Variants in WDR47 observed in about 807,000 individuals in gnomAD.
WDR47 encodes WD repeat domain 47.
Under a neutral mutation model 97.2 loss-of-function variants are expected in WDR47, and 32 were observed. The observed-to-expected ratio is 0.33, with a 90% CI of 0.25 to 0.44. The LOEUF is 0.44. WDR47 is among the 20% of genes least tolerant of loss of function. The pLI, the probability that WDR47 is intolerant of heterozygous loss-of-function variation, is 1.00. For synonymous variants in WDR47, 375 were observed against 373.5 expected (o/e 1.00, Z -0.05); for missense variants, 782 against 1,102.3 (o/e 0.71, Z 4.11).
At chr1:109,009,679 T>C (rs1403381209) in intron 5 of WDR47, among the ~76,000 whole-genome samples, 2 of 152,174 alleles carry the variant, frequency 1.3e-5, no homozygotes, top group African/African-American at 4.8e-5. Flanking sequence ...TGAAAATCTA[T>C]GTAATATATT....
chr1:109,025,598 G>A (rs1183659991), intron 1 of WDR47, among the ~76,000 whole-genome samples: 3 of 151,780 alleles, frequency 2.0e-5, no homozygotes, highest in Non-Finnish European at 4.4e-5. Flanking sequence ...GCGGAGCGTG[G>A]TGGCACGCAC....
rs1663416954 is a variant in WDR47 at position 109,042,093 on chromosome 1, T to C, written c.-241A>G. The C allele has an allele frequency of 1.3e-5, 2 of 152,390 alleles. No homozygotes were observed. The highest frequency in any genetic ancestry group is 4.1e-4 in the South Asian group (2 of 4,830). 9.4% of individuals were successfully genotyped at this position (152,390 alleles called of 1,614,324 possible). ...CCAGCGACTCCTCAGCTCAGCCTCTTGCAGACTGCGGTTGTCAAGTGCCGG... is the reference window on the plus strand; with the variant it reads ...CCAGCGACTCCTCAGCTCAGCCTCTCGCAGACTGCGGTTGTCAAGTGCCGG... On this transcript the variant is annotated 5_prime_UTR_variant, in exon 1 of 15. Coordinates refer to ENST00000369962, the MANE Select transcript of WDR47 (RefSeq NM_001142551.2).
At chr1:109,024,444 C>G (rs1662063449) in intron 1 of WDR47, among the ~76,000 whole-genome samples, 2 of 151,744 alleles carry the variant, frequency 1.3e-5, no homozygotes, top group Admixed American at 1.3e-4. Context: ...CAGAATTAGA[C>G]TCCGTCTCAA....
At chr1:109,036,336 G>A (rs1419337663) in intron 1 of WDR47, among the ~76,000 whole-genome samples, 1 of 151,962 alleles carries the variant, frequency 6.6e-6, no homozygotes, top group African/African-American at 2.4e-5. Flanking sequence ...CACTATAGGA[G>A]CCTGAGGCAG....
chr1:108,980,682 T>C (rs1326666939), intron 13 of WDR47, among the ~76,000 whole-genome samples: 1 of 151,926 alleles, frequency 6.6e-6, no homozygotes, highest in African/African-American at 2.4e-5. Flanking sequence ...TGAGCCAAGA[T>C]TGTGCCACTG....
chr1:108,991,156 C>T (rs1412906100), intron 9 of WDR47, 98 bp downstream of exon 9: 30 of 1,164,560 alleles, frequency 2.6e-5, no homozygotes, highest in Admixed American at 2.1e-4. Flanking sequence ...TACACCACCA[C>T]GTCTGACTAA....
chr1:109,013,826 G>A lies in WDR47; in HGVS notation c.327+15C>T. On this transcript the variant is annotated intron_variant, in intron 4 of 14. Coordinates refer to ENST00000369962, the MANE Select transcript of WDR47 (RefSeq NM_001142551.2). ...ACAAGACTAGGGCGCAAACCTTCAG[G>A]AATAAAAATCTTACATGCTGGGGCT... 6.2e-7 allele frequency: 1 copy of A among 1,612,086 alleles called. No individual in the cohort carries two copies. The highest frequency in any genetic ancestry group is 1.1e-5 in the South Asian group (1 of 90,688).
At chr1:109,000,175 C>T (rs1404380119) in intron 7 of WDR47, among the ~76,000 whole-genome samples, 2 of 152,018 alleles carry the variant, frequency 1.3e-5, no homozygotes, top group East Asian at 1.9e-4. Flanking sequence ...CACACCACTG[C>T]ACTCCAGCCT....
intron 13 of WDR47, among the ~76,000 whole-genome samples, chr1:108,976,885 T>TA (rs1357739774): frequency 3.3e-5 from 5 of 152,120 alleles, no homozygotes; most frequent in Admixed American, 2.6e-4. Context: ...GAGGTGAGAC[T>TA]AGAAGGGTAA....
rs1367328430 is a variant in WDR47, at chr1:109,011,221, A to G, written c.825T>C (p.Pro275=). 6.2e-7 allele frequency: 1 copy of G among 1,614,166 alleles called. No individual in the cohort carries two copies. The highest frequency in any genetic ancestry group is 8.5e-7 in the Non-Finnish European group (1 of 1,180,042). Residue 275 remains proline, a synonymous_variant, in exon 5 of 15, where the codon CCT becomes CCC. Transcript: ENST00000369962. ...LNIHVDKLLK[P]TKAAYADLLT... ...AAAGATCAGCATATGCAGCTTTTGT[A>G]GGTTTCAGAAGTTTGTCAACATGAA...
intron 2 of WDR47, among the ~76,000 whole-genome samples, chr1:109,023,081 T>C (rs1302396833): frequency 6.6e-6 from 1 of 151,584 alleles, no homozygotes; most frequent in Non-Finnish European, 1.5e-5. Context: ...TGGGCGCCTG[T>C]AGTCCCAGCT....
chr1:109,030,467 C>T (rs1038751090), intron 1 of WDR47: 1 of 313,930 alleles, frequency 3.2e-6, no homozygotes, highest in African/African-American at 2.2e-5. Flanking sequence ...AAAAACACAA[C>T]AGGCCAAGAA....
intron 9 of WDR47, among the ~76,000 whole-genome samples, chr1:108,990,589 CTTATCATAAA>C (rs1659251150): frequency 6.6e-6 from 1 of 152,102 alleles, no homozygotes; most frequent in South Asian, 2.1e-4. Context: ...TTCCTTTGTG[CTTATCATAAA>C]AATGGTCAAT....
At chr1:109,021,200 A>G (rs150047761) in intron 2 of WDR47, among the ~76,000 whole-genome samples, 6 of 152,144 alleles carry the variant, frequency 3.9e-5, no homozygotes, top group African/African-American at 1.2e-4. Context: ...TTCCACCTCT[A>G]AGAATCTTGT....
At chr1:109,009,998 CAA>C (rs113769846) in intron 5 of WDR47, among the ~76,000 whole-genome samples, 1 of 143,686 alleles carries the variant, frequency 7.0e-6, no homozygotes, top group Non-Finnish European at 1.5e-5. Context: ...AACTCCATCT[CAA>C]AAAAAAACAA....
chr1:109,025,715 T>A (rs781215730), intron 1 of WDR47, among the ~76,000 whole-genome samples: 1 of 151,746 alleles, frequency 6.6e-6, no homozygotes, highest in African/African-American at 2.4e-5. Context: ...GCCTGGGCAA[T>A]AGAGCCAGAC....
chr1:108,995,739 C>A lies in WDR47; in HGVS notation c.1532G>T (p.Gly511Val). ...ACTAGTCACAGAAGAACCATTAGATCCATTGCCTTTGCTCCCATTACATTG... is the reference window on the plus strand; with the variant it reads ...ACTAGTCACAGAAGAACCATTAGATACATTGCCTTTGCTCCCATTACATTG... ...NQQCNGSKGN[G>V]SNGSSVTSFT... The change falls in exon 8 of 15, where the codon GGA (glycine) becomes GTA (valine). Residue 511 changes from glycine to valine, a missense_variant. By Grantham distance (109) the Gly-to-Val change is moderately radical (BLOSUM62 -3). This residue lies in a region of WDR47 where 126 missense variants were observed against 121.3 expected (regional missense o/e 1.04). Transcript: ENST00000369962. The A allele has an allele frequency of 6.2e-7, 1 of 1,614,112 alleles. No individual in the cohort carries two copies. The highest frequency in any genetic ancestry group is 8.5e-7 in the Non-Finnish European group (1 of 1,180,018).
intron 1 of WDR47, among the ~76,000 whole-genome samples, chr1:109,037,873 CTCTT>C (rs1287939632): frequency 6.6e-6 from 1 of 151,974 alleles, no homozygotes; most frequent in Admixed American, 6.6e-5. Context: ...TTCTTTCTCT[CTCTT>C]TGAGACTGGG....
chr1:108,971,638 C>G (rs759260375), intron 14 of WDR47, 66 bp from the exon 15 acceptor site: 4 of 1,560,528 alleles, frequency 2.6e-6, no homozygotes, highest in Non-Finnish European at 3.5e-6. Flanking sequence ...GTATAGACTT[C>G]CTGTTACTTT....
Sources: allele counts gnomAD v4.1 joint callset (sites outside exome capture counted in the v4.1 genomes callset), GRCh38; gene constraint gnomAD v4.1.1; regional missense constraint gnomAD v4.1.1; transcripts MANE v1.5; gene names NCBI Gene and HGNC (gene_info 2026-07-23, HGNC 2026-07-21).